Variants in ANKS1B observed in about 807,000 individuals in gnomAD.
ANKS1B encodes the protein ankyrin repeat and sterile alpha motif domain containing 1B.
In ANKS1B, 36 loss-of-function variants were observed where a neutral mutation model predicts 148.3. The ratio of observed to expected loss-of-function variants is 0.24; its 90% CI spans 0.19 to 0.32. ANKS1B has a LOEUF of 0.32. Ranked by LOEUF, ANKS1B falls within the 10% of genes least tolerant of loss-of-function variation. ANKS1B has a pLI of 1.00. For synonymous variants in ANKS1B, 542 were observed against 560.8 expected (o/e 0.97, Z 0.47); for missense variants, 1,157 against 1,542.6 (o/e 0.75, Z 4.19).
At chr12:98,763,948 T>C (rs999855888) in intron 25 of ANKS1B, among the ~76,000 whole-genome samples, 2 of 152,090 alleles carry the variant, frequency 1.3e-5, no homozygotes, top group Non-Finnish European at 2.9e-5. Context: ...TTTCTTATAT[T>C]AATAGCATTC....
At chr12:99,467,985 A>G (rs910426581) in intron 10 of ANKS1B, among the ~76,000 whole-genome samples, 3 of 152,350 alleles carry the variant, frequency 2.0e-5, no homozygotes, top group African/African-American at 7.2e-5. Context: ...CGCCAAGTCA[A>G]TCCTAAGCCA....
intron 2 of ANKS1B, among the ~76,000 whole-genome samples, chr12:99,820,048 A>G (rs1469692898): frequency 1.3e-5 from 2 of 151,846 alleles, no homozygotes; most frequent in Non-Finnish European, 2.9e-5. Context: ...AGAAAAAGAT[A>G]CAAAGAAATA....
intron 11 of ANKS1B, 122 bp from the exon 12 acceptor site, chr12:99,399,933 T>A: frequency 1.2e-6 from 1 of 847,844 alleles, no homozygotes; most frequent in Non-Finnish European, 1.9e-6. Flanking sequence ...GTTTTATACT[T>A]AAAATATAAT....
intron 12 of ANKS1B, among the ~76,000 whole-genome samples, chr12:99,279,041 G>A (rs1372706997): frequency 1.3e-5 from 2 of 151,966 alleles, no homozygotes; most frequent in African/African-American, 2.4e-5. Flanking sequence ...CCATTTTCAG[G>A]TCCCAGAATG....
chr12:98,795,163 G>A (rs958402973), intron 22 of ANKS1B, among the ~76,000 whole-genome samples: 1 of 152,218 alleles, frequency 6.6e-6, no homozygotes, highest in African/African-American at 2.4e-5. Context: ...TTCATGGCTA[G>A]TGATGTATAA....
intron 8 of ANKS1B, among the ~76,000 whole-genome samples, chr12:99,710,285 C>G (rs1204349794): frequency 6.6e-6 from 1 of 152,118 alleles, no homozygotes; most frequent in Non-Finnish European, 1.5e-5. Flanking sequence ...TTGCAGCTCA[C>G]TAACTGGAAT....
At chr12:99,178,806 C>A (rs1009653121) in intron 14 of ANKS1B, among the ~76,000 whole-genome samples, 3 of 151,974 alleles carry the variant, frequency 2.0e-5, no homozygotes, top group African/African-American at 7.3e-5. Flanking sequence ...TAGTTTTAGA[C>A]GTGCTTTAAA....
intron 9 of ANKS1B, among the ~76,000 whole-genome samples, chr12:99,545,751 CAT>C (rs890604812): frequency 1.1e-4 from 16 of 144,616 alleles, no homozygotes; most frequent in East Asian, 4.0e-4. Context: ...TATACACACA[CAT>C]ATATATATAT....
chr12:98,828,784 C>T (rs770780535), intron 19 of ANKS1B, among the ~76,000 whole-genome samples: 1 of 152,256 alleles, frequency 6.6e-6, no homozygotes, highest in Non-Finnish European at 1.5e-5. Flanking sequence ...AAATTAACCA[C>T]ATCACACAGG....
At chr12:99,387,892 C>A (rs2093935006) in intron 12 of ANKS1B, among the ~76,000 whole-genome samples, 1 of 124,054 alleles carries the variant, frequency 8.1e-6, no homozygotes, top group South Asian at 2.2e-4. Context: ...AGATTAGATG[C>A]CAAGGCATTC....
chr12:99,142,369 C>T (rs1039511046), intron 15 of ANKS1B, among the ~76,000 whole-genome samples: 2 of 151,870 alleles, frequency 1.3e-5, no homozygotes, highest in African/African-American at 4.8e-5. Flanking sequence ...GGTATTAAGG[C>T]CTGATTGTAT....
In ANKS1B at chr12:99,806,680, G is replaced by A; in HGVS notation, c.393C>T (p.Ala131=). The change falls in exon 4 of 27, where the codon GCC becomes GCT. Residue 131 remains alanine, a synonymous_variant. Transcript: ENST00000683438. ...VNEQNNENET[A]LHCAAQYGHS... ...GTCCATATTGAGCTGCACAGTGTAGGGCAGTTTCATTTTCATTGTTCTAAG... is the reference window on the plus strand; with the variant it reads ...GTCCATATTGAGCTGCACAGTGTAGAGCAGTTTCATTTTCATTGTTCTAAG... 2 of 1,610,000 alleles carry A rather than the reference G, an allele frequency of 1.2e-6. No homozygotes were observed. Among genetic ancestry groups the A allele is most frequent in the Non-Finnish European group, 8.5e-7 (1 of 1,176,648 alleles).
At chr12:99,915,101 T>C (rs2094130664) in intron 1 of ANKS1B, among the ~76,000 whole-genome samples, 1 of 151,966 alleles carries the variant, frequency 6.6e-6, no homozygotes, top group South Asian at 2.1e-4. Context: ...GATGCATGCC[T>C]GTAATCCTAG....
At chr12:99,898,807 C>G (rs937024724) in intron 1 of ANKS1B, among the ~76,000 whole-genome samples, 5 of 152,004 alleles carry the variant, frequency 3.3e-5, no homozygotes, top group Non-Finnish European at 5.9e-5. Flanking sequence ...CATTTCAGAG[C>G]CTGAAAGACT....
chr12:99,029,315 A>T (rs1231212290), intron 17 of ANKS1B, among the ~76,000 whole-genome samples: 1 of 152,192 alleles, frequency 6.6e-6, no homozygotes, highest in Non-Finnish European at 1.5e-5. Flanking sequence ...CATCCTTGAC[A>T]TGGTAAATAT....
chr12:98,935,805 T>G (rs1418743582), intron 17 of ANKS1B, among the ~76,000 whole-genome samples: 1 of 152,230 alleles, frequency 6.6e-6, no homozygotes, highest in African/African-American at 2.4e-5. Flanking sequence ...CCAATTAACT[T>G]CATTTACAGA....
chr12:98,984,798 C>A (rs1330061404), intron 17 of ANKS1B, among the ~76,000 whole-genome samples: 17 of 152,006 alleles, frequency 1.1e-4, no homozygotes, highest in African/African-American at 4.1e-4. Flanking sequence ...CTGCTTGAAC[C>A]CAGGAGTTTA....
At chr12:99,022,885 G>C (rs183191281) in intron 17 of ANKS1B, among the ~76,000 whole-genome samples, 27 of 152,108 alleles carry the variant, frequency 1.8e-4, no homozygotes, top group Admixed American at 1.5e-3. Context: ...ATTAGGCTAA[G>C]AAATTTTCCT....
At chr12:98,841,634 T>C (rs898152931) in intron 17 of ANKS1B, among the ~76,000 whole-genome samples, 4 of 152,120 alleles carry the variant, frequency 2.6e-5, no homozygotes, top group Non-Finnish European at 4.4e-5. Context: ...TACTGCACTT[T>C]AGAATTGGAC....
Sources: allele counts gnomAD v4.1 joint callset (sites outside exome capture counted in the v4.1 genomes callset), GRCh38; gene constraint gnomAD v4.1.1; transcripts MANE v1.5; gene names NCBI Gene and HGNC (gene_info 2026-07-23, HGNC 2026-07-21).